The following BOC variants were observed in gnomAD, a reference collection of about 807,000 sequenced individuals.
BOC encodes BOC cell adhesion associated, oncogene regulated, also known as brother of CDO.
Under a neutral mutation model 112.0 loss-of-function variants are expected in BOC, and 76 were observed. The observed-to-expected ratio is 0.68, with a 90% CI of 0.56 to 0.82. The LOEUF (loss-of-function observed/expected upper bound fraction) is 0.82, where lower values mean the gene tolerates loss of function less well. Among genes scored for constraint, BOC ranks in the 40% least tolerant of loss-of-function variants. The probability of loss-of-function intolerance (pLI) is 0.00; values close to 1 mark genes in which losing one functional copy is unlikely to be tolerated. For missense variants in BOC, 1,309 were observed against 1,511.7 expected (o/e 0.87, Z 2.22); for synonymous variants, 580 against 599.8 (o/e 0.97, Z 0.48).
rs1184018354 is a variant in BOC, at chr3:113,232,084, A to G, written c.-82+15810A>G. Among the ~76,000 whole-genome samples the G allele has an allele frequency of 2.6e-5, 4 of 152,108 alleles. No individual in the cohort carries two copies. In the East Asian group the frequency reaches 7.7e-4, roughly 29 times the overall value. On this transcript the variant is annotated intron_variant, in intron 2 of 19. Transcript: ENST00000682979. ...TTTGCAACTGGTGGAGCCTAAGAGC[A>G]GGAGGCTAGAATTATCCCCACCCCC...
At chr3:113,264,334 A>C (rs376335470) in intron 4 of BOC, among the ~76,000 whole-genome samples, 1 of 152,216 alleles carries the variant, frequency 6.6e-6, no homozygotes, top group African/African-American at 2.4e-5. Context: ...AAGCTGCAAA[A>C]ACATTCCTCT....
intron 2 of BOC, among the ~76,000 whole-genome samples, chr3:113,240,564 T>C (rs775234777): frequency 5.3e-5 from 8 of 152,220 alleles, no homozygotes; most frequent in Non-Finnish European, 8.8e-5. Flanking sequence ...AGAAATACCA[T>C]AGGATTAAAG....
intron 19 of BOC, among the ~76,000 whole-genome samples, chr3:113,285,995 G>A (rs1949646931): frequency 6.6e-6 from 1 of 152,162 alleles, no homozygotes; most frequent in Non-Finnish European, 1.5e-5. Context: ...AATCATTAAG[G>A]AGCCAAATTC....
chr3:113,215,119 C>A lies in BOC; in HGVS notation c.-169-1068C>A, dbSNP rs538681066. The stretch of plus-strand genomic sequence containing the variant: ...TGCTGTTGGTTGGAAAGACCCAAAT[C>A]CTAAGTGTGCTCCCACATGGAGCCT... On this transcript the variant is annotated intron_variant, in intron 1 of 19. Coordinates refer to ENST00000682979, the MANE Select transcript of BOC (RefSeq NM_001378074.1). 2.4e-4 allele frequency among the ~76,000 whole-genome samples: 36 copies of A among 152,306 alleles called. No homozygotes were observed. In the South Asian group the frequency reaches 7.2e-3, roughly 31 times the overall value.
At chr3:113,243,101 C>T (rs1944508262) in intron 2 of BOC, among the ~76,000 whole-genome samples, 1 of 152,096 alleles carries the variant, frequency 6.6e-6, no homozygotes. Context: ...CCCCAGTTTT[C>T]CTGTTCTCCC....
chr3:113,260,946 C>T (rs1946809480), intron 4 of BOC, among the ~76,000 whole-genome samples: 1 of 152,188 alleles, frequency 6.6e-6, no homozygotes, highest in African/African-American at 2.4e-5. Context: ...GAAAAATTGT[C>T]TTCCATGAAA....
At position 113,270,915 on chromosome 3, in the gene BOC, C is replaced by A; in HGVS notation, c.638C>A (p.Ser213Tyr). 2 of 1,614,228 alleles carry A rather than the reference C, an allele frequency of 1.2e-6. No homozygotes were observed. Among genetic ancestry groups the A allele is most frequent in the Non-Finnish European group, 1.7e-6 (2 of 1,180,042 alleles). Residue 213 changes from serine to tyrosine, a missense_variant, in exon 6 of 20, where the codon TCC (serine) becomes TAC (tyrosine). Coordinates refer to ENST00000682979, the MANE Select transcript of BOC (RefSeq NM_001378074.1). Reference protein sequence around the residue: ...YNPVTQEVKTSGSSDRLRVRR... With the variant: ...YNPVTQEVKTYGSSDRLRVRR... The stretch of plus-strand genomic sequence containing the variant: ...CCAGTGACCCAGGAAGTGAAAACCT[C>A]CGGCTCCAGCGACAGGCTACGTGTG...
chr3:113,235,914 T>G (rs1163130501), intron 2 of BOC, among the ~76,000 whole-genome samples: 5 of 152,072 alleles, frequency 3.3e-5, no homozygotes, highest in Non-Finnish European at 5.9e-5. Context: ...TAAAGTGTAT[T>G]ATGTCTGGCA....
chr3:113,253,025 T>A (rs1327532796), intron 4 of BOC, among the ~76,000 whole-genome samples: 1 of 152,216 alleles, frequency 6.6e-6, no homozygotes, highest in Non-Finnish European at 1.5e-5. Flanking sequence ...TCCACTTTGA[T>A]ATTTCCACAT....
Position 113,279,175 on chromosome 3 carries a change from C to T in BOC, c.1817-74C>T, listed in dbSNP as rs143058592. On this transcript the variant is annotated intron_variant, in intron 11 of 19. Transcript: ENST00000682979. ...CAGGCCAGGCCCAGTGGGCATACAG[C>T]GTCATCTCACCCTGCTTCCTTCCTC... is the stretch of plus-strand genomic sequence containing the variant. The T allele has an allele frequency of 6.0e-5, 89 of 1,474,278 alleles. No individual in the cohort carries two copies. The East Asian group carries it at 1.5e-3, about 25-fold the overall frequency. The allele number at this position is 1,474,278 out of a possible 1,614,324, so 91.3% of individuals were successfully genotyped here. A position where few individuals can be genotyped will look rare whatever the true frequency, so the allele number is the denominator to read the frequency against.
rs115372516 is a variant in BOC, at chr3:113,263,378, A to G, written c.377-4921A>G. On this transcript the variant is annotated intron_variant, in intron 4 of 19. Transcript: ENST00000682979. Reference sequence around the variant, plus strand: ...AAGTACCTGCAGGGGTAAAAGGCCAAAGTTTCTTTAAGCATTCAGCAGAGC... The same window carrying G: ...AAGTACCTGCAGGGGTAAAAGGCCAGAGTTTCTTTAAGCATTCAGCAGAGC... Among the ~76,000 whole-genome samples the G allele has an allele frequency of 3.6e-3, 543 of 152,324 alleles. 2 individuals are homozygous for G. The highest frequency in any genetic ancestry group is 0.012 in the African/African-American group (494 of 41,572).
chr3:113,285,061 C>T (rs1949544436), intron 18 of BOC, among the ~76,000 whole-genome samples: 1 of 152,272 alleles, frequency 6.6e-6, no homozygotes. Context: ...TGCCTGAGGG[C>T]ATGGCTTGGC....
Position 113,283,395 on chromosome 3 carries a change from T to G in BOC, c.2435-16T>G, listed in dbSNP as rs970218156. 1 of 1,576,398 alleles carries G rather than the reference T, an allele frequency of 6.3e-7. No homozygotes were observed. Among genetic ancestry groups the G allele is most frequent in the Non-Finnish European group, 8.6e-7 (1 of 1,157,166 alleles). On this transcript the variant is annotated splice_polypyrimidine_tract_variant and intron_variant, in intron 15 of 19. Coordinates refer to ENST00000682979, the MANE Select transcript of BOC (RefSeq NM_001378074.1). Reference sequence around the variant, plus strand: ...AAAGAAACATATGCTGAAGTGAGTTTTGTCCACAATTACAGCTCGGAAGTC... The same window carrying G: ...AAAGAAACATATGCTGAAGTGAGTTGTGTCCACAATTACAGCTCGGAAGTC...
At chr3:113,275,772 C>T (rs553444718) in intron 9 of BOC, among the ~76,000 whole-genome samples, 77 of 152,292 alleles carry the variant, frequency 5.1e-4, no homozygotes, top group Admixed American at 4.8e-3. Flanking sequence ...GCTAGCTGTG[C>T]GGAAGCTGTT....
At chr3:113,269,231 GTTATCTCAGCTGTCACAGCTC>G (rs1947849052) in intron 5 of BOC, among the ~76,000 whole-genome samples, 1 of 152,212 alleles carries the variant, frequency 6.6e-6, no homozygotes, top group Non-Finnish European at 1.5e-5. Flanking sequence ...AGTAAATGCA[GTTATCTCAGCTGTCACAGCTC>G]CATGCTCAAG....
At chr3:113,216,374 C>G (rs1414209581) in intron 2 of BOC, 100 bp downstream of exon 2, 4 of 433,530 alleles carry the variant, frequency 9.2e-6, no homozygotes, top group African/African-American at 8.1e-5. Flanking sequence ...TTCTCATCCT[C>G]AAGTATTGGG....
At chr3:113,213,173 C>T (rs558364401) in intron 1 of BOC, among the ~76,000 whole-genome samples, 2 of 152,300 alleles carry the variant, frequency 1.3e-5, no homozygotes, top group South Asian at 4.2e-4. Flanking sequence ...GGGTGTTCTG[C>T]TGCTCCCCTC....
At chr3:113,234,036 G>A (rs1306964059) in intron 2 of BOC, among the ~76,000 whole-genome samples, 2 of 152,222 alleles carry the variant, frequency 1.3e-5, no homozygotes, top group Non-Finnish European at 2.9e-5. Flanking sequence ...AGACCTTAGA[G>A]GTAGGAGGTC....
intron 2 of BOC, among the ~76,000 whole-genome samples, chr3:113,242,539 G>A (rs902562905): frequency 1.3e-5 from 2 of 151,950 alleles, no homozygotes; most frequent in South Asian, 4.2e-4. Flanking sequence ...GTTCCTCCCC[G>A]AGGAAAGATG....
Sources: gnomAD v4.1 joint callset for allele counts (sites outside exome capture counted in the v4.1 genomes callset) on GRCh38, gnomAD v4.1.1 for gene constraint, MANE v1.5 for transcripts, NCBI Gene and HGNC (gene_info 2026-07-23, HGNC 2026-07-21) for gene names.